DLG2: variants seen among roughly 807,000 people sequenced by gnomAD.
DLG2 encodes discs large MAGUK scaffold protein 2.
Under a neutral mutation model 132.5 loss-of-function variants are expected in DLG2, and 45 were observed. That is an observed-to-expected ratio of 0.34 (90% CI 0.27 to 0.44). The LOEUF is 0.44. DLG2 is among the 20% of genes least tolerant of loss of function. DLG2 has a pLI of 1.00. For synonymous variants in DLG2, 424 were observed against 419.6 expected (o/e 1.01, Z -0.13); for missense variants, 1,045 against 1,196.9 (o/e 0.87, Z 1.87).
intron 17 of DLG2, among the ~76,000 whole-genome samples, chr11:83,827,277 A>T (rs1317943005): frequency 6.6e-6 from 1 of 152,168 alleles, no homozygotes; most frequent in Non-Finnish European, 1.5e-5. Context: ...TGACCTTATC[A>T]GTACCCCAAG....
chr11:84,999,422 A>T (rs1057344942), intron 6 of DLG2, among the ~76,000 whole-genome samples: 3 of 152,152 alleles, frequency 2.0e-5, no homozygotes, highest in Non-Finnish European at 4.4e-5. Flanking sequence ...ATCTGGCCTT[A>T]TATAAATTTT....
intron 9 of DLG2, among the ~76,000 whole-genome samples, chr11:84,123,544 C>T (rs960741439): frequency 6.6e-6 from 1 of 152,150 alleles, no homozygotes; most frequent in African/African-American, 2.4e-5. Flanking sequence ...AGTTTTGTAT[C>T]TAAGCTCCTC....
intron 11 of DLG2, among the ~76,000 whole-genome samples, chr11:84,032,810 G>A (rs971647566): frequency 6.6e-6 from 1 of 152,140 alleles, no homozygotes; most frequent in African/African-American, 2.4e-5. Context: ...GTGACTTTAA[G>A]TGGAAGCCAA....
At chr11:83,822,282 C>T in intron 17 of DLG2, among the ~76,000 whole-genome samples, 1 of 152,078 alleles carries the variant, frequency 6.6e-6, no homozygotes, top group Non-Finnish European at 1.5e-5. Context: ...GGCCTAGGCT[C>T]CTCCCACTAG....
At chr11:84,370,334 T>G (rs1014781217) in intron 7 of DLG2, among the ~76,000 whole-genome samples, 2 of 152,136 alleles carry the variant, frequency 1.3e-5, no homozygotes, top group Non-Finnish European at 2.9e-5. Context: ...AAAAATAAAC[T>G]ATGTAATTAC....
chr11:85,485,058 T>C (rs1173157179), intron 3 of DLG2, among the ~76,000 whole-genome samples: 2 of 152,126 alleles, frequency 1.3e-5, no homozygotes, highest in South Asian at 4.1e-4. Context: ...TGTAGGGACA[T>C]GGATGAAGCT....
At position 84,737,502 on chromosome 11, in the gene DLG2, C is replaced by A. The variant is rs12283672; in HGVS notation, c.358-202771G>T. 2.1e-4 allele frequency among the ~76,000 whole-genome samples: 31 copies of A among 147,106 alleles called. 1 individual carries two copies. The highest frequency in any genetic ancestry group is 7.3e-4 in the African/African-American group (29 of 39,880). On this transcript the variant is annotated intron_variant, in intron 6 of 27. Coordinates refer to ENST00000376104, the MANE Select transcript of DLG2 (RefSeq NM_001142699.3). ...GTCAAGAGAGAGAGAAAGAAAGAGA[C>A]AGAGAGAGAGAGAGAGAGAGAGAGA...
In DLG2 at chr11:83,504,692, A is replaced by C. The variant is rs543523822; in HGVS notation, c.2194-20464T>G. Among the ~76,000 whole-genome samples, 5 of 152,086 alleles carry C rather than the reference A, an allele frequency of 3.3e-5. No individual in the cohort carries two copies. In the South Asian group the frequency reaches 1.0e-3, roughly 32 times the overall value. On this transcript the variant is annotated intron_variant, in intron 21 of 27. Transcript: ENST00000376104. The stretch of plus-strand genomic sequence containing the variant: ...AATGTTGTGGGAGGAGGAAGCAAAA[A>C]ATTTGCTAGTGGATCACTAGGAGTG...
chr11:83,980,495 G>C lies in DLG2; in HGVS notation c.1056+11C>G. ...TAAATATACACACAGTTTTGCTGGA[G>C]TCACACTCACCATTAGTAGTCTATC... is the stretch of plus-strand genomic sequence containing the variant. On this transcript the variant is annotated intron_variant, in intron 12 of 27. Transcript: ENST00000376104. 5 of 1,609,750 alleles carry C rather than the reference G, an allele frequency of 3.1e-6. No homozygotes were observed. Among genetic ancestry groups the C allele is most frequent in the Non-Finnish European group, 3.4e-6 (4 of 1,178,160 alleles).
At chr11:85,216,789 C>T (rs1483398147) in intron 4 of DLG2, among the ~76,000 whole-genome samples, 3 of 151,950 alleles carry the variant, frequency 2.0e-5, no homozygotes, top group Admixed American at 6.6e-5. Context: ...CTCCACCTCC[C>T]GGGTTCAAGC....
chr11:83,544,461 AG>A (rs1283796196), intron 19 of DLG2, among the ~76,000 whole-genome samples: 1 of 152,134 alleles, frequency 6.6e-6, no homozygotes, highest in African/African-American at 2.4e-5. Context: ...TGTTGTTAAA[AG>A]ATGAGGGACA....
At chr11:85,536,882 T>C (rs557335018) in intron 3 of DLG2, among the ~76,000 whole-genome samples, 2 of 152,240 alleles carry the variant, frequency 1.3e-5, no homozygotes, top group African/African-American at 4.8e-5. Context: ...GCTGCCAGAG[T>C]GCCCAGACTA....
At chr11:85,498,621 A>G (rs1242166607) in intron 3 of DLG2, among the ~76,000 whole-genome samples, 1 of 152,208 alleles carries the variant, frequency 6.6e-6, no homozygotes, top group East Asian at 1.9e-4. Flanking sequence ...AATCAACAGA[A>G]TATACATTCT....
intron 3 of DLG2, among the ~76,000 whole-genome samples, chr11:85,365,751 C>A (rs1309610041): frequency 5.3e-5 from 8 of 152,078 alleles, no homozygotes; most frequent in Admixed American, 3.3e-4. Context: ...TACTATGCAG[C>A]CATAAAGAAG....
chr11:84,494,576 T>G (rs1206460187), intron 7 of DLG2, among the ~76,000 whole-genome samples: 1 of 152,098 alleles, frequency 6.6e-6, no homozygotes, highest in African/African-American at 2.4e-5. Flanking sequence ...GGGCTGGTGA[T>G]CTGTGTGAGC....
chr11:83,970,231 A>G (rs147402167), intron 12 of DLG2, among the ~76,000 whole-genome samples: 3 of 152,308 alleles, frequency 2.0e-5, no homozygotes, highest in African/African-American at 7.2e-5. Flanking sequence ...TGCTTATTAA[A>G]TTGCACCTTT....
chr11:83,679,853 G>T (rs1365669686), intron 18 of DLG2, among the ~76,000 whole-genome samples: 1 of 152,076 alleles, frequency 6.6e-6, no homozygotes, highest in Non-Finnish European at 1.5e-5. Context: ...CTTGGTTGGG[G>T]ACACAGAACC....
intron 9 of DLG2, among the ~76,000 whole-genome samples, chr11:84,110,215 C>T (rs549569690): frequency 1.3e-5 from 2 of 152,192 alleles, no homozygotes; most frequent in East Asian, 1.9e-4. Flanking sequence ...AACTGATCTT[C>T]GTATTGGAAA....
intron 3 of DLG2, among the ~76,000 whole-genome samples, chr11:85,586,452 G>A (rs2078978047): frequency 6.6e-6 from 1 of 151,990 alleles, no homozygotes; most frequent in East Asian, 1.9e-4. Flanking sequence ...TATATTTCTT[G>A]GAATTTATCC....
Sources: gnomAD v4.1 joint callset for allele counts (sites outside exome capture counted in the v4.1 genomes callset) on GRCh38, gnomAD v4.1.1 for gene constraint, MANE v1.5 for transcripts, NCBI Gene and HGNC (gene_info 2026-07-23, HGNC 2026-07-21) for gene names.